Variants in ASIC2 observed in about 807,000 individuals in gnomAD.
ASIC2 encodes acid-sensing ion channel 2.
Under a neutral mutation model 57.3 loss-of-function variants are expected in ASIC2, and 25 were observed. That is an observed-to-expected ratio of 0.44 (90% CI 0.32 to 0.61). ASIC2 has a LOEUF of 0.61. Among genes scored for constraint, ASIC2 ranks in the 20% least tolerant of loss-of-function variants. ASIC2 has a pLI of 0.06. For missense variants in ASIC2, 641 were observed against 738.1 expected (o/e 0.87, Z 1.52); for synonymous variants, 319 against 307.5 (o/e 1.04, Z -0.39).
intron 1 of ASIC2, among the ~76,000 whole-genome samples, chr17:33,464,179 C>G (rs975172372): frequency 1.3e-5 from 2 of 152,196 alleles, no homozygotes; most frequent in African/African-American, 4.8e-5. Flanking sequence ...TGTTTGCCAA[C>G]AGGTCTTTAG....
intron 1 of ASIC2, among the ~76,000 whole-genome samples, chr17:33,143,732 A>T (rs1159914635): frequency 2.7e-4 from 1 of 3,670 alleles, no homozygotes; most frequent in Non-Finnish European, 4.8e-4. Flanking sequence ...GGATAATCCA[A>T]TTTTTCCAAA....
intron 1 of ASIC2, among the ~76,000 whole-genome samples, chr17:33,597,227 A>G (rs1905008141): frequency 6.6e-6 from 1 of 152,252 alleles, no homozygotes; most frequent in South Asian, 2.1e-4. Context: ...CCCCATGGAC[A>G]TCTCATGAGT....
intron 1 of ASIC2, among the ~76,000 whole-genome samples, chr17:33,448,740 A>G (rs184092100): frequency 6.1e-4 from 93 of 152,348 alleles, no homozygotes; most frequent in Admixed American, 3.5e-3. Context: ...TCTGTTGTTT[A>G]AGCCACTAAA....
At chr17:33,656,469 C>G (rs763376097) in intron 1 of ASIC2, among the ~76,000 whole-genome samples, 17 of 152,162 alleles carry the variant, frequency 1.1e-4, no homozygotes, top group Non-Finnish European at 2.4e-4. Context: ...ATTTCTGGAA[C>G]AGAACTCAAA....
intron 1 of ASIC2, among the ~76,000 whole-genome samples, chr17:33,401,366 T>C (rs1050923995): frequency 2.0e-5 from 3 of 152,196 alleles, no homozygotes; most frequent in African/African-American, 7.2e-5. Context: ...CTCCATTCCT[T>C]GATCCCTTGC....
chr17:33,030,163 T>C (rs2091876793), intron 3 of ASIC2, among the ~76,000 whole-genome samples: 3 of 152,320 alleles, frequency 2.0e-5, no homozygotes, highest in Admixed American at 2.0e-4. Flanking sequence ...TGCATCCATT[T>C]TAATGTTCAA....
At chr17:33,589,779 G>A (rs1904768312) in intron 1 of ASIC2, among the ~76,000 whole-genome samples, 1 of 152,146 alleles carries the variant, frequency 6.6e-6, no homozygotes, top group South Asian at 2.1e-4. Context: ...ACTGTTGATA[G>A]ACACTTGGGT....
intron 1 of ASIC2, among the ~76,000 whole-genome samples, chr17:33,580,439 A>G (rs146916033): frequency 1.3e-5 from 2 of 152,296 alleles, no homozygotes; most frequent in East Asian, 3.9e-4. Flanking sequence ...AGGTGGCATC[A>G]GTATCATGAA....
At chr17:33,341,522 A>G (rs888969218) in intron 1 of ASIC2, among the ~76,000 whole-genome samples, 2 of 152,218 alleles carry the variant, frequency 1.3e-5, no homozygotes, top group Admixed American at 1.3e-4. Context: ...GCTAGAGTTG[A>G]GTGGTTGCAA....
At chr17:33,143,450 G>C (rs1257449239) in intron 1 of ASIC2, among the ~76,000 whole-genome samples, 1 of 152,068 alleles carries the variant, frequency 6.6e-6, no homozygotes, top group Non-Finnish European at 1.5e-5. Flanking sequence ...AGTTGCTTTT[G>C]TTTCTCATAT....
rs1908718172 is a variant in ASIC2 at position 34,055,124 on chromosome 17, G to A, written c.555+100854C>T. On this transcript the variant is annotated intron_variant, in intron 1 of 9. Coordinates refer to the ASIC2 transcript ENST00000359872. ...GAGGATATAAAGTGGCCAGCAGTTAGATGGTGCAGGACCATTTAAATCATA... is the reference window on the plus strand; with the variant it reads ...GAGGATATAAAGTGGCCAGCAGTTAAATGGTGCAGGACCATTTAAATCATA... Among the ~76,000 whole-genome samples, 7 of 152,364 alleles carry A rather than the reference G, an allele frequency of 4.6e-5. No homozygotes were observed. The South Asian group carries it at 1.4e-3, about 32-fold the overall frequency.
At chr17:33,728,978 C>T (rs1478018641) in intron 1 of ASIC2, among the ~76,000 whole-genome samples, 5 of 152,162 alleles carry the variant, frequency 3.3e-5, no homozygotes, top group Non-Finnish European at 7.3e-5. Context: ...CCCCCGACAA[C>T]ATAATCAAAT....
intron 1 of ASIC2, among the ~76,000 whole-genome samples, chr17:34,027,739 T>A (rs1004141193): frequency 1.3e-5 from 2 of 152,200 alleles, no homozygotes; most frequent in Non-Finnish European, 2.9e-5. Flanking sequence ...TTGTCACTGA[T>A]GTGTCTGTGT....
intron 1 of ASIC2, among the ~76,000 whole-genome samples, chr17:33,972,164 A>G (rs1472854863): frequency 6.6e-6 from 1 of 152,236 alleles, no homozygotes; most frequent in African/African-American, 2.4e-5. Flanking sequence ...TGTCATCAAC[A>G]TTATACACCT....
chr17:34,111,413 CA>C (rs1598032425), intron 1 of ASIC2, among the ~76,000 whole-genome samples: 1 of 151,554 alleles, frequency 6.6e-6, no homozygotes, highest in East Asian at 1.9e-4. Flanking sequence ...CTTGTGACAG[CA>C]TAAATTGTCC....
chr17:33,421,960 C>T (rs955671236), intron 1 of ASIC2, among the ~76,000 whole-genome samples: 6 of 152,150 alleles, frequency 3.9e-5, no homozygotes, highest in Non-Finnish European at 7.3e-5. Flanking sequence ...AGTTTGGGGG[C>T]GCCAGCCTTT....
chr17:34,110,645 C>CT (rs1411885688), intron 1 of ASIC2, among the ~76,000 whole-genome samples: 3 of 152,060 alleles, frequency 2.0e-5, no homozygotes, highest in Non-Finnish European at 4.4e-5. Flanking sequence ...TGACATCCTC[C>CT]TTAAAAAAAA....
At chr17:33,834,273 G>A (rs1197464346) in intron 1 of ASIC2, 2 of 152,248 alleles carry the variant, frequency 1.3e-5, no homozygotes, top group Non-Finnish European at 2.9e-5. Flanking sequence ...AGCAGAGCCA[G>A]GGCAGGGAGT....
intron 1 of ASIC2, among the ~76,000 whole-genome samples, chr17:34,128,758 T>A (rs749021795): frequency 3.5e-4 from 54 of 152,304 alleles, no homozygotes; most frequent in Non-Finnish European, 6.9e-4. Flanking sequence ...TCCCCTTTTC[T>A]ACAGAAAGTT....
Sources: allele counts gnomAD v4.1 joint callset (sites outside exome capture counted in the v4.1 genomes callset), GRCh38; gene constraint gnomAD v4.1.1; transcripts MANE v1.5; gene names NCBI Gene and HGNC (gene_info 2026-07-23, HGNC 2026-07-21).